RIMS2: variants seen among roughly 807,000 people sequenced by gnomAD.
RIMS2 encodes regulating synaptic membrane exocytosis 2.
RIMS2 carries 59 observed loss-of-function variants against 174.4 expected under a neutral mutation model. That is an observed-to-expected ratio of 0.34 (90% CI 0.27 to 0.42). RIMS2 has a LOEUF of 0.42. RIMS2 is among the 10% of genes least tolerant of loss of function. The pLI, the probability that RIMS2 is intolerant of heterozygous loss-of-function variation, is 1.00. For missense variants in RIMS2, 1,620 were observed against 1,666.3 expected (o/e 0.97, Z 0.48); for synonymous variants, 606 against 572.5 (o/e 1.06, Z -0.84).
At chr8:103,755,825 C>T (rs1242310072) in intron 2 of RIMS2, among the ~76,000 whole-genome samples, 1 of 152,170 alleles carries the variant, frequency 6.6e-6, no homozygotes, top group Non-Finnish European at 1.5e-5. Context: ...AGCAATTCAT[C>T]TAACCTTTTT....
chr8:103,609,742 A>G (rs557000796), intron 1 of RIMS2, among the ~76,000 whole-genome samples: 6 of 152,258 alleles, frequency 3.9e-5, no homozygotes, highest in African/African-American at 9.6e-5. Flanking sequence ...GTAGCCTTGT[A>G]TAGTTTGAAG....
At position 104,177,007 on chromosome 8, in the gene RIMS2, T is replaced by C. The variant is rs77000799; in HGVS notation, c.3335-67909T>C. 5.9e-3 allele frequency among the ~76,000 whole-genome samples: 898 copies of C among 152,222 alleles called. 7 individuals carry two copies. Among genetic ancestry groups the C allele is most frequent in the African/African-American group, 0.02 (831 of 41,546 alleles). ...TACGGAAGGTCAGCAGACACGTGTA[T>C]AGATCACATCAATGGGTTAATCAAC... On this transcript the variant is annotated intron_variant, in intron 19 of 23. Coordinates refer to ENST00000504942, the Ensembl canonical transcript of RIMS2.
chr8:103,852,461 G>A (rs564821598), intron 3 of RIMS2, among the ~76,000 whole-genome samples: 1 of 150,354 alleles, frequency 6.7e-6, no homozygotes, highest in South Asian at 2.1e-4. Context: ...ACATGGGCAG[G>A]TTTGTGCTCA....
At chr8:104,243,970 T>C (rs1218123850) in intron 19 of RIMS2, among the ~76,000 whole-genome samples, 1 of 152,168 alleles carries the variant, frequency 6.6e-6, no homozygotes, top group Non-Finnish European at 1.5e-5. Context: ...ATGCACATGG[T>C]CATCCCTATC....
intron 2 of RIMS2, among the ~76,000 whole-genome samples, chr8:103,723,075 G>A (rs1468692319): frequency 6.6e-6 from 1 of 152,138 alleles, no homozygotes; most frequent in Non-Finnish European, 1.5e-5. Flanking sequence ...TTGTGCCACT[G>A]CACTCGAGCC....
chr8:103,781,164 C>CAGTTT (rs1205464759), intron 3 of RIMS2, among the ~76,000 whole-genome samples: 1 of 152,134 alleles, frequency 6.6e-6, no homozygotes, highest in Non-Finnish European at 1.5e-5. Context: ...AGTTAAGGAA[C>CAGTTT]AGTTTCCAGG....
intron 1 of RIMS2, among the ~76,000 whole-genome samples, chr8:103,600,193 G>T (rs548560278): frequency 5.9e-5 from 9 of 152,150 alleles, no homozygotes; most frequent in Non-Finnish European, 4.4e-5. Context: ...CATCCATGTT[G>T]TTGCAGATGA....
At chr8:103,654,375 T>C (rs2096496406) in intron 1 of RIMS2, among the ~76,000 whole-genome samples, 1 of 151,994 alleles carries the variant, frequency 6.6e-6, no homozygotes, top group South Asian at 2.1e-4. Context: ...GCTTTGATTT[T>C]TGTATAGGAA....
At position 103,608,722 on chromosome 8, in the gene RIMS2, G is replaced by A. The variant is rs1236185842; in HGVS notation, c.177-88364G>A. Among the ~76,000 whole-genome samples the A allele has an allele frequency of 1.7e-4, 26 of 152,150 alleles. 1 individual carries two copies. Among genetic ancestry groups the A allele is most frequent in the Non-Finnish European group, 1.5e-5 (1 of 68,026 alleles). ...GCCGTTTTTTAAGCCCTTCAGAAAA[G>A]CGCAGTATTCGGGTGGGAGTGACCC... is the stretch of plus-strand genomic sequence containing the variant. On this transcript the variant is annotated intron_variant, in intron 1 of 23. Coordinates refer to ENST00000504942, the Ensembl canonical transcript of RIMS2.
chr8:103,742,800 G>A (rs73697653), intron 2 of RIMS2, among the ~76,000 whole-genome samples: 7,330 of 152,148 alleles, frequency 0.048, 585 homozygotes, highest in African/African-American at 0.17. Flanking sequence ...ATCTCTCAGG[G>A]GCTCTCTGGA....
At chr8:104,020,521 C>G (rs1018666341) in intron 19 of RIMS2, among the ~76,000 whole-genome samples, 7 of 151,658 alleles carry the variant, frequency 4.6e-5, no homozygotes, top group African/African-American at 1.7e-4. Flanking sequence ...AAATACTTAC[C>G]TTTAATGATT....
intron 2 of RIMS2, among the ~76,000 whole-genome samples, chr8:103,755,882 G>A (rs1435734563): frequency 6.6e-6 from 1 of 152,086 alleles, no homozygotes; most frequent in African/African-American, 2.4e-5. Flanking sequence ...TGTTCCTTTA[G>A]TTTGGAGGAG....
intron 2 of RIMS2, among the ~76,000 whole-genome samples, chr8:103,718,400 T>C (rs1162996747): frequency 1.3e-5 from 2 of 152,194 alleles, no homozygotes; most frequent in East Asian, 1.9e-4. Flanking sequence ...TCATTGTGTA[T>C]TGGGTGTATT....
chr8:103,766,567 T>G (rs770803083), intron 3 of RIMS2, 30 bp downstream of exon 6: 1 of 1,454,994 alleles, frequency 6.9e-7, no homozygotes, highest in Non-Finnish European at 9.5e-7. Flanking sequence ...TTTAGGCAAA[T>G]GTATTACTTT....
intron 19 of RIMS2, among the ~76,000 whole-genome samples, chr8:104,025,317 C>T (rs1026436801): frequency 6.6e-6 from 1 of 151,800 alleles, no homozygotes; most frequent in African/African-American, 2.4e-5. Context: ...CTGCCTCTAC[C>T]AAAAACAAAA....
chr8:103,556,804 G>A (rs1009442858), intron 1 of RIMS2, among the ~76,000 whole-genome samples: 2 of 152,066 alleles, frequency 1.3e-5, no homozygotes, highest in African/African-American at 2.4e-5. Context: ...ATAAGGGTTA[G>A]GTTCCCAGGG....
intron 1 of RIMS2, among the ~76,000 whole-genome samples, chr8:103,696,071 T>G (rs1311665643): frequency 6.6e-6 from 1 of 152,206 alleles, no homozygotes; most frequent in Non-Finnish European, 1.5e-5. Flanking sequence ...TCCATTTTTT[T>G]TCTGTGAACA....
intron 1 of RIMS2, among the ~76,000 whole-genome samples, chr8:103,687,667 C>T (rs1161338052): frequency 6.6e-6 from 1 of 152,094 alleles, no homozygotes; most frequent in East Asian, 1.9e-4. Flanking sequence ...TCTCCCTAAC[C>T]TCCCATACCC....
intron 19 of RIMS2, among the ~76,000 whole-genome samples, chr8:104,020,112 C>T (rs188821460): frequency 6.8e-4 from 104 of 151,876 alleles, no homozygotes; most frequent in African/African-American, 2.5e-3. Flanking sequence ...TTTACTTTTC[C>T]TATGAGATAG....
Sources: allele counts gnomAD v4.1 joint callset (sites outside exome capture counted in the v4.1 genomes callset), GRCh38; gene constraint gnomAD v4.1.1; transcripts MANE v1.5; gene names NCBI Gene and HGNC (gene_info 2026-07-23, HGNC 2026-07-21).